The following CDH12 variants were observed in gnomAD, a reference collection of about 807,000 sequenced individuals.
CDH12 encodes the protein cadherin-12.
In CDH12, 41 loss-of-function variants were observed where a neutral mutation model predicts 74.1. The observed-to-expected ratio is 0.55, with a 90% CI of 0.43 to 0.72. The LOEUF (loss-of-function observed/expected upper bound fraction) is 0.72. Ranked by LOEUF, CDH12 falls within the 30% of genes least tolerant of loss-of-function variation. CDH12 has a pLI of 0.00. For synonymous variants in CDH12, 399 were observed against 355.0 expected, an observed-to-expected ratio of 1.12 and a Z score of -1.39; for missense variants, 945 against 977.2, an observed-to-expected ratio of 0.97 and a Z score of 0.44.
chr5:22,300,023 AT>A (rs1303566034), intron 3 of CDH12, among the ~76,000 whole-genome samples: 2 of 152,228 alleles, frequency 1.3e-5, no homozygotes, highest in Non-Finnish European at 2.9e-5. Context: ...ATAATTTCAC[AT>A]TTTAAAATGA....
At chr5:22,068,161 C>T (rs1043438431) in intron 5 of CDH12, among the ~76,000 whole-genome samples, 1 of 152,062 alleles carries the variant, frequency 6.6e-6, no homozygotes, top group African/African-American at 2.4e-5. Flanking sequence ...CAGCACTACC[C>T]CATCATCAAA....
chr5:22,417,623 C>CA (rs1166989984), intron 2 of CDH12, among the ~76,000 whole-genome samples: 8 of 152,066 alleles, frequency 5.3e-5, no homozygotes, highest in Non-Finnish European at 1.2e-4. Flanking sequence ...TGGCACCAAA[C>CA]AAAGTAGGAC....
intron 3 of CDH12, among the ~76,000 whole-genome samples, chr5:22,332,319 A>G (rs1309372150): frequency 6.6e-6 from 1 of 152,212 alleles, no homozygotes; most frequent in African/African-American, 2.4e-5. Context: ...CAGACTTTTT[A>G]GTGAAAACCC....
chr5:22,237,431 G>T (rs1752596398), intron 3 of CDH12, among the ~76,000 whole-genome samples: 1 of 152,146 alleles, frequency 6.6e-6, no homozygotes, highest in East Asian at 1.9e-4. Flanking sequence ...TTACAGGTTG[G>T]GCCTTTGGGA....
At chr5:22,847,986 T>G (rs140010070) in intron 1 of CDH12, among the ~76,000 whole-genome samples, 53 of 152,106 alleles carry the variant, frequency 3.5e-4, no homozygotes, top group African/African-American at 1.2e-3. Flanking sequence ...TGGGTTCAAG[T>G]GATTCTCCTG....
At chr5:22,822,683 A>T (rs1749771583) in intron 1 of CDH12, among the ~76,000 whole-genome samples, 1 of 152,214 alleles carries the variant, frequency 6.6e-6, no homozygotes, top group Admixed American at 6.5e-5. Flanking sequence ...CCACAATGAG[A>T]TACCATCTCA....
intron 6 of CDH12, among the ~76,000 whole-genome samples, chr5:21,877,382 C>A (rs992534916): frequency 6.6e-6 from 1 of 152,116 alleles, no homozygotes; most frequent in Non-Finnish European, 1.5e-5. Flanking sequence ...AAGTTAACAT[C>A]TAGAGAGTAT....
intron 5 of CDH12, among the ~76,000 whole-genome samples, chr5:21,985,194 A>G (rs1462575801): frequency 1.3e-5 from 2 of 152,126 alleles, no homozygotes; most frequent in African/African-American, 4.8e-5. Flanking sequence ...TTTGTCATGG[A>G]ACTAGGTCCC....
chr5:22,632,601 G>T (rs1738643623), intron 1 of CDH12, among the ~76,000 whole-genome samples: 1 of 151,960 alleles, frequency 6.6e-6, no homozygotes, highest in South Asian at 2.1e-4. Context: ...CATGAAGATA[G>T]GACAGTTGAG....
At chr5:22,562,044 G>A (rs1196163443) in intron 1 of CDH12, among the ~76,000 whole-genome samples, 3 of 152,146 alleles carry the variant, frequency 2.0e-5, no homozygotes, top group African/African-American at 4.8e-5. Flanking sequence ...GAGGCCGGGC[G>A]CGGTGGCTCA....
At chr5:22,801,541 T>C (rs149853769) in intron 1 of CDH12, among the ~76,000 whole-genome samples, 37 of 151,004 alleles carry the variant, frequency 2.5e-4, no homozygotes, top group African/African-American at 8.7e-4. Flanking sequence ...TCCTACAATG[T>C]TGTCGATATA....
intron 1 of CDH12, among the ~76,000 whole-genome samples, chr5:22,509,653 T>C (rs1280456077): frequency 6.6e-6 from 1 of 152,108 alleles, no homozygotes; most frequent in Non-Finnish European, 1.5e-5. Context: ...ATGAGCTGCT[T>C]ACATGCAACT....
At chr5:22,208,103 T>G (rs1307902259) in intron 4 of CDH12, among the ~76,000 whole-genome samples, 1 of 151,992 alleles carries the variant, frequency 6.6e-6, no homozygotes, top group Non-Finnish European at 1.5e-5. Context: ...CTCAGCTGGA[T>G]TTGAACCAGG....
chr5:21,980,357 T>C (rs1757257660), intron 5 of CDH12, among the ~76,000 whole-genome samples: 2 of 152,052 alleles, frequency 1.3e-5, no homozygotes, highest in African/African-American at 2.4e-5. Flanking sequence ...ATGGCTCTTA[T>C]GGAGGTAATG....
chr5:22,592,304 C>T (rs908504189), intron 1 of CDH12, among the ~76,000 whole-genome samples: 1 of 152,160 alleles, frequency 6.6e-6, no homozygotes, highest in Admixed American at 6.5e-5. Flanking sequence ...CCAGCCTTCT[C>T]CTTCACCAAA....
intron 6 of CDH12, among the ~76,000 whole-genome samples, chr5:21,869,158 T>C (rs898118621): frequency 6.6e-6 from 1 of 152,196 alleles, no homozygotes; most frequent in African/African-American, 2.4e-5. Flanking sequence ...GTGATTGATC[T>C]AGAATAGTGA....
At chr5:22,204,440 C>G (rs1232885294) in intron 4 of CDH12, among the ~76,000 whole-genome samples, 1 of 152,156 alleles carries the variant, frequency 6.6e-6, no homozygotes, top group Non-Finnish European at 1.5e-5. Context: ...GGATTACAGG[C>G]GTGAGCCACC....
intron 8 of CDH12, among the ~76,000 whole-genome samples, chr5:21,832,900 TA>T (rs1561223992): frequency 3.6e-5 from 3 of 83,826 alleles, no homozygotes; most frequent in East Asian, 6.2e-4. Context: ...ATATATCATA[TA>T]ATATATGATA....
chr5:21,883,716 G>A, intron 6 of CDH12: 1 of 1,605,834 alleles, frequency 6.2e-7, no homozygotes. Flanking sequence ...AGAAATCATT[G>A]GGCAGTTAGA....
Sources: gnomAD v4.1 joint callset for allele counts (sites outside exome capture counted in the v4.1 genomes callset) on GRCh38, gnomAD v4.1.1 for gene constraint, MANE v1.5 for transcripts, NCBI Gene and HGNC (gene_info 2026-07-23, HGNC 2026-07-21) for gene names.